Variants in TRIO observed in about 807,000 individuals in gnomAD.
TRIO encodes triple functional domain protein.
In TRIO, 58 loss-of-function variants were observed where a neutral mutation model predicts 351.9. The observed-to-expected ratio is 0.16, with a 90% CI of 0.13 to 0.21. The LOEUF (loss-of-function observed/expected upper bound fraction) is 0.21. Ranked by LOEUF, TRIO falls within the 10% of genes least tolerant of loss-of-function variation. The pLI, the probability that TRIO is intolerant of heterozygous loss-of-function variation, is 1.00. For synonymous variants in TRIO, 1,758 were observed against 1,595.7 expected (o/e 1.10, Z -2.42); for missense variants, 3,201 against 4,027.8 (o/e 0.79, Z 5.56).
intron 23 of TRIO, among the ~76,000 whole-genome samples, chr5:14,388,248 G>C (rs759967795): frequency 3.3e-5 from 5 of 152,170 alleles, no homozygotes; most frequent in Non-Finnish European, 7.3e-5. Flanking sequence ...CCCCCAATGT[G>C]AGGGGACACT....
At chr5:14,410,117 A>G (rs1749071734) in intron 33 of TRIO, among the ~76,000 whole-genome samples, 1 of 152,204 alleles carries the variant, frequency 6.6e-6, no homozygotes, top group Non-Finnish European at 1.5e-5. Flanking sequence ...TGTCGTGAGA[A>G]CAGAACCACA....
At chr5:14,488,456 T>A in intron 48 of TRIO, 196 bp downstream of exon 48, 5 of 746,780 alleles carry the variant, frequency 6.7e-6, no homozygotes, top group Non-Finnish European at 1.0e-5. Flanking sequence ...TTTGTTCGTG[T>A]CTTCTAATAA....
chr5:14,453,076 CT>C (rs1322994160), intron 34 of TRIO, among the ~76,000 whole-genome samples: 2 of 151,334 alleles, frequency 1.3e-5, no homozygotes, highest in Admixed American at 6.6e-5. Context: ...CCTTTTTTTT[CT>C]TTTTTTATTT....
chr5:14,217,909 CAA>C (rs1308494738), intron 1 of TRIO, among the ~76,000 whole-genome samples: 1 of 152,112 alleles, frequency 6.6e-6, no homozygotes, highest in Non-Finnish European at 1.5e-5. Context: ...CTAATCAGTC[CAA>C]AGTTTGAGAA....
At chr5:14,275,343 A>G (rs1243405557) in intron 2 of TRIO, among the ~76,000 whole-genome samples, 2 of 152,204 alleles carry the variant, frequency 1.3e-5, no homozygotes, top group African/African-American at 4.8e-5. Context: ...TTAAAGTCAC[A>G]TGAAACAGTT....
chr5:14,307,756 C>G (rs1453354625), intron 8 of TRIO, among the ~76,000 whole-genome samples: 1 of 152,218 alleles, frequency 6.6e-6, no homozygotes, highest in Non-Finnish European at 1.5e-5. Context: ...GCCATAGTTT[C>G]CACTGAGGAT....
Position 14,286,173 on chromosome 5 carries a change from GT to G in TRIO, c.348-697del, listed in dbSNP as rs146915618. ...CCTTGACGTGTGTCAGAGGCCAGCA[GT>G]GTTAAGCCAGCGTTGCTACCACATA... is the stretch of plus-strand genomic sequence containing the variant. On this transcript the variant is annotated intron_variant, in intron 3 of 56. Transcript: ENST00000344204. The surrounding 1 kb of genome is among the most constrained non-coding windows in gnomAD (Gnocchi z 4.4). Among the ~76,000 whole-genome samples the G allele has an allele frequency of 2.2e-3, 332 of 152,212 alleles. 2 individuals carry two copies. Among genetic ancestry groups the G allele is most frequent in the Non-Finnish European group, 3.6e-3 (246 of 68,026 alleles).
At chr5:14,213,576 A>G (rs2152197661) in intron 1 of TRIO, among the ~76,000 whole-genome samples, 1 of 152,262 alleles carries the variant, frequency 6.6e-6, no homozygotes, top group Middle Eastern at 3.4e-3. Context: ...TTCAGATATG[A>G]GTGGGAAAAG....
chr5:14,419,469 A>G lies in TRIO; in HGVS notation c.4960-309A>G, dbSNP rs75859924. ...GAACTTTATCTCATTTTATCACCAT[A>G]TTTCATGATAATCCCCCAGATAGCC... On this transcript the variant is annotated intron_variant, in intron 33 of 56. Transcript: ENST00000344204. Among the ~76,000 whole-genome samples, 10,255 of 152,232 alleles carry G rather than the reference A, an allele frequency of 0.067. 1,139 individuals carry two copies. Among genetic ancestry groups the G allele is most frequent in the African/African-American group, 0.24 (9,758 of 41,504 alleles).
At chr5:14,294,021 AAT>A (rs74780957) in intron 6 of TRIO, among the ~76,000 whole-genome samples, 90,732 of 143,330 alleles carry the variant, frequency 0.63, 28,974 homozygotes, top group Middle Eastern at 0.73. Flanking sequence ...AAAAAAAAAA[AAT>A]AATAATTAAA....
intron 11 of TRIO, among the ~76,000 whole-genome samples, chr5:14,342,151 G>A (rs1366896739): frequency 6.6e-6 from 1 of 152,078 alleles, no homozygotes; most frequent in African/African-American, 2.4e-5. Flanking sequence ...TTGCACTGGG[G>A]CCGGGGGAGG....
chr5:14,183,657 T>C (rs1789928375), intron 1 of TRIO: 2 of 278,220 alleles, frequency 7.2e-6, no homozygotes, highest in Non-Finnish European at 1.3e-5. Flanking sequence ...CTCATTTTTT[T>C]CCCCCTCCAT....
intron 49 of TRIO, among the ~76,000 whole-genome samples, chr5:14,495,047 A>G (rs1311639338): frequency 6.6e-6 from 1 of 152,280 alleles, no homozygotes; most frequent in Non-Finnish European, 1.5e-5. Flanking sequence ...CTCATGAATC[A>G]TGGGAGAAGG....
Position 14,484,949 on chromosome 5 carries a change from AAGGC to A in TRIO, c.6658-119_6658-116del. ...GTGTGTCGGAATTTCTTTCCTCATT[AAGGC>A]TGAAAAACTGTCCACATAGCCCACA... is the stretch of plus-strand genomic sequence containing the variant. On this transcript the variant is annotated intron_variant, in intron 46 of 56. Transcript: ENST00000344204. 2.8e-6 allele frequency: 3 copies of A among 1,054,408 alleles called. No homozygotes were observed. In the Admixed American group the frequency reaches 9.6e-5, roughly 34 times the overall value. The allele number at this position is 1,054,408 out of a possible 1,614,324, so 65.3% of individuals were successfully genotyped here. A position where few individuals can be genotyped will look rare whatever the true frequency, so the allele number is the denominator to read the frequency against.
At chr5:14,484,448 C>T (rs1248814176) in intron 46 of TRIO, among the ~76,000 whole-genome samples, 1 of 152,078 alleles carries the variant, frequency 6.6e-6, no homozygotes, top group Non-Finnish European at 1.5e-5. Flanking sequence ...GCCTTGTATT[C>T]CCCATGTACC....
intron 34 of TRIO, among the ~76,000 whole-genome samples, chr5:14,438,133 C>T (rs535599856): frequency 6.6e-6 from 1 of 152,342 alleles, no homozygotes; most frequent in South Asian, 2.1e-4. Flanking sequence ...TTCTACATTA[C>T]ACGTGTTCTC....
intron 1 of TRIO, among the ~76,000 whole-genome samples, chr5:14,244,579 ATTGTC>A (rs1794324607): frequency 6.6e-6 from 1 of 152,216 alleles, no homozygotes; most frequent in Non-Finnish European, 1.5e-5. Flanking sequence ...AGCCCTAGAA[ATTGTC>A]TTGTCCTATA....
At position 14,366,781 on chromosome 5, in the gene TRIO, C is replaced by T. The variant is rs549601644; in HGVS notation, c.2755-79C>T. 188 of 1,594,584 alleles carry T rather than the reference C, an allele frequency of 1.2e-4. 1 individual carries two copies. The highest frequency in any genetic ancestry group is 5.6e-4 in the South Asian group (49 of 87,046). On this transcript the variant is annotated intron_variant, in intron 15 of 56. Coordinates refer to ENST00000344204, the MANE Select transcript of TRIO (RefSeq NM_007118.4). ...CCAGGAGCAACTGGACTATCTTGCA[C>T]GCTTGTATCTCACCCCTGGTGGTCC...
In TRIO at chr5:14,487,742, C is replaced by T; in HGVS notation, c.7114C>T (p.Pro2372Ser). Reference sequence around the variant, plus strand: ...AGACAAGATGTCAGGTACGTCCACCCCCGGGCCCTCCCTGCCTCCCCCTGG... The same window carrying T: ...AGACAAGATGTCAGGTACGTCCACCTCCGGGCCCTCCCTGCCTCCCCCTGG... Reference protein sequence around the residue: ...EADKMSGTSTPGPSLPPPGAA... With the variant: ...EADKMSGTSTSGPSLPPPGAA... Residue 2372 changes from proline to serine, a missense_variant, in exon 48 of 57, where the codon CCC becomes TCC. Around this residue, in one of 19 missense-constraint regions of TRIO, gnomAD observed 1,089 missense variants for 954.9 expected, o/e 1.14. Transcript: ENST00000344204. 7.1e-7 allele frequency: 1 copy of T among 1,406,706 alleles called. No individual in the cohort carries two copies. Among genetic ancestry groups the T allele is most frequent in the Non-Finnish European group, 9.3e-7 (1 of 1,074,576 alleles). The allele number at this position is 1,406,706 out of a possible 1,614,324, so 87.1% of individuals were successfully genotyped here.
Sources: allele counts gnomAD v4.1 joint callset (sites outside exome capture counted in the v4.1 genomes callset), GRCh38; gene constraint gnomAD v4.1.1; regional missense constraint gnomAD v4.1.1; non-coding constraint Gnocchi (gnomAD v3.1); transcripts MANE v1.5; gene names NCBI Gene and HGNC (gene_info 2026-07-23, HGNC 2026-07-21).